KAZN: variants seen among roughly 807,000 people sequenced by gnomAD.
The protein encoded by KAZN is kazrin.
Under a neutral mutation model 87.4 loss-of-function variants are expected in KAZN, and 40 were observed. The observed-to-expected ratio is 0.46, with a 90% confidence interval of 0.36 to 0.60. The LOEUF (loss-of-function observed/expected upper bound fraction) is 0.60, where lower values mean the gene tolerates loss of function less well. Ranked by LOEUF, KAZN falls within the 20% of genes least tolerant of loss-of-function variation. The pLI, the probability that KAZN is intolerant of heterozygous loss-of-function variation, is 0.00. For missense variants in KAZN, 898 were observed against 1,073.9 expected (o/e 0.84, Z 2.29); for synonymous variants, 466 against 458.3 (o/e 1.02, Z -0.22).
intron 1 of KAZN, among the ~76,000 whole-genome samples, chr1:13,995,239 T>C (rs1639458680): frequency 8.2e-6 from 1 of 122,680 alleles, no homozygotes; most frequent in Non-Finnish European, 1.9e-5. Flanking sequence ...AAAAAAATCC[T>C]AATGATTGGG....
At chr1:14,754,548 G>A (rs148108623) in intron 1 of KAZN, among the ~76,000 whole-genome samples, 1,793 of 152,222 alleles carry the variant, frequency 0.012, 18 homozygotes, top group South Asian at 0.067. Context: ...CAAGAGGATC[G>A]CTTGAACTTG....
rs373603693 is a variant in KAZN, at chr1:14,735,063, T to TTTTTTTGTTTTG, written c.226+135844_226+135845insTTGTTTTGTTTT. ...GGATGCTAAATGGTCATGCTGGTTTTTTTTGTTTTGTTTTGAGACGGAGTC... is the reference window on the plus strand; with the variant it reads ...GGATGCTAAATGGTCATGCTGGTTTTTTTTTTGTTTTGTTTTGTTTTGTTTTGAGACGGAGTC... On this transcript the variant is annotated intron_variant, in intron 1 of 14. Coordinates refer to ENST00000376030, the MANE Select transcript of KAZN (RefSeq NM_201628.3). The surrounding 1 kb of genome is among the most constrained non-coding windows in gnomAD (Gnocchi z 4.3). Among the ~76,000 whole-genome samples, 1 of 152,142 alleles carries TTTTTTTGTTTTG rather than the reference T, an allele frequency of 6.6e-6. No individual in the cohort carries two copies. Among genetic ancestry groups the TTTTTTTGTTTTG allele is most frequent in the African/African-American group, 2.4e-5 (1 of 41,406 alleles).
chr1:15,053,083 T>C lies in KAZN; in HGVS notation c.727-3008T>C, dbSNP rs117129990. Among the ~76,000 whole-genome samples the C allele has an allele frequency of 4.3e-3, 654 of 152,336 alleles. 3 individuals are homozygous for C. The highest frequency in any genetic ancestry group is 0.042 in the South Asian group (205 of 4,828). On this transcript the variant is annotated intron_variant, in intron 4 of 14. Coordinates refer to ENST00000376030, the MANE Select transcript of KAZN (RefSeq NM_201628.3). ...GGAGGGGGAGCTGAGGGTTCATTCC[T>C]GCATGATGGCAGACCAGCCTGGGTG...
chr1:14,283,011 C>A (rs993801019), intron 2 of KAZN, among the ~76,000 whole-genome samples: 1 of 152,130 alleles, frequency 6.6e-6, no homozygotes, highest in African/African-American at 2.4e-5. Context: ...ATTTATTCTC[C>A]AGGGTGACTA....
intron 1 of KAZN, among the ~76,000 whole-genome samples, chr1:14,940,893 C>T (rs1660984343): frequency 8.0e-6 from 1 of 125,382 alleles, no homozygotes; most frequent in African/African-American, 3.1e-5. Context: ...TGTCATTCTA[C>T]CTTTCTTTTT....
In KAZN at chr1:14,087,217, A is replaced by G. The variant is rs183647043; in HGVS notation, c.92-93218A>G. Among the ~76,000 whole-genome samples the G allele has an allele frequency of 4.7e-4, 71 of 152,220 alleles. No individual in the cohort carries two copies. The East Asian group carries it at 0.013, about 27-fold the overall frequency. On this transcript the variant is annotated intron_variant, in intron 1 of 16. Transcript: ENST00000636203. The stretch of plus-strand genomic sequence containing the variant: ...GTCTTGCACTTAAAAAATTCTCACA[A>G]TTTTGATGCTATCATAAATGGCATT...
Position 15,034,899 on chromosome 1 carries a change from C to T in KAZN, c.555+14C>T. The T allele has an allele frequency of 6.2e-7, 1 of 1,612,766 alleles. No homozygotes were observed. Among genetic ancestry groups the T allele is most frequent in the African/African-American group, 1.3e-5 (1 of 74,950 alleles). ...CAGCACCGCAAGGTCAGCCGCCGCC[C>T]TGCCCTCCCCTCCCCTCCCGACACA... is the stretch of plus-strand genomic sequence containing the variant. On this transcript the variant is annotated intron_variant, in intron 3 of 14. Transcript: ENST00000376030.
At chr1:14,830,423 G>C (rs1647020203) in intron 1 of KAZN, among the ~76,000 whole-genome samples, 1 of 152,178 alleles carries the variant, frequency 6.6e-6, no homozygotes, top group African/African-American at 2.4e-5. Context: ...GCCTGAGTCA[G>C]GTGCCCAGCC....
chr1:14,003,654 G>A (rs1639911985), intron 1 of KAZN, among the ~76,000 whole-genome samples: 1 of 152,160 alleles, frequency 6.6e-6, no homozygotes, highest in South Asian at 2.1e-4. Context: ...AATAAATGCT[G>A]CCAAGTTAAC....
At chr1:14,779,157 C>T (rs528544609) in intron 1 of KAZN, among the ~76,000 whole-genome samples, 1 of 152,326 alleles carries the variant, frequency 6.6e-6, no homozygotes, top group East Asian at 1.9e-4. Context: ...GTCAGGAAAT[C>T]CCTCCACCTC....
chr1:14,652,503 C>CCACCCACCCACCCATT (rs1557865307), intron 1 of KAZN, among the ~76,000 whole-genome samples: 2 of 85,716 alleles, frequency 2.3e-5, no homozygotes, highest in Non-Finnish European at 2.3e-5. Flanking sequence ...ATCCACCTAT[C>CCACCCACCCACCCATT]TACCTATCCA....
At chr1:14,349,360 T>G (rs1378904280) in intron 2 of KAZN, 1 of 152,096 alleles carries the variant, frequency 6.6e-6, no homozygotes, top group Non-Finnish European at 1.5e-5. Flanking sequence ...CACGGGTGGT[T>G]TTTTTGAATT....
intron 1 of KAZN, among the ~76,000 whole-genome samples, chr1:14,740,637 C>A (rs930815718): frequency 2.6e-5 from 4 of 152,160 alleles, no homozygotes; most frequent in Non-Finnish European, 1.5e-5. Flanking sequence ...GCCCCACAGA[C>A]CTCTCCCGCT....
intron 2 of KAZN, among the ~76,000 whole-genome samples, chr1:14,515,435 G>T (rs1671249877): frequency 6.6e-6 from 1 of 152,214 alleles, no homozygotes; most frequent in Admixed American, 6.5e-5. Flanking sequence ...TGACATGGAA[G>T]CGGCTGTCAG....
Position 15,094,037 on chromosome 1 carries a change from C to T in KAZN, c.1223-143C>T, listed in dbSNP as rs890037108. On this transcript the variant is annotated intron_variant, in intron 8 of 14. Transcript: ENST00000376030. The surrounding 1 kb of genome is among the most constrained non-coding windows in gnomAD (Gnocchi z 4.5). ...GGGGGCAAGGGCAGAAAAACAAAAA[C>T]GCCAAAAGCCACTTTGATTTTGAAG... is the stretch of plus-strand genomic sequence containing the variant. The T allele has an allele frequency of 1.4e-5, 9 of 666,424 alleles. No homozygotes were observed. Among genetic ancestry groups the T allele is most frequent in the Admixed American group, 8.7e-5 (3 of 34,370 alleles). The allele number at this position is 666,424 out of a possible 1,614,324, so 41.3% of individuals were successfully genotyped here.
intron 1 of KAZN, among the ~76,000 whole-genome samples, chr1:14,009,042 A>G (rs906603609): frequency 6.6e-6 from 1 of 152,198 alleles, no homozygotes; most frequent in Non-Finnish European, 1.5e-5. Flanking sequence ...AGATTTTTGC[A>G]TACAAGTGGA....
intron 1 of KAZN, among the ~76,000 whole-genome samples, chr1:14,094,317 A>G (rs994131780): frequency 6.6e-6 from 1 of 152,200 alleles, no homozygotes; most frequent in Non-Finnish European, 1.5e-5. Flanking sequence ...TTGGAAAGCT[A>G]TATTAAGATT....
rs77124916 is a variant in KAZN, at chr1:14,015,877, C to A, written c.91+122121C>A. 4.0e-3 allele frequency among the ~76,000 whole-genome samples: 609 copies of A among 152,026 alleles called. 8 individuals carry two copies. The highest frequency in any genetic ancestry group is 0.014 in the African/African-American group (581 of 41,488). On this transcript the variant is annotated intron_variant, in intron 1 of 16. Coordinates refer to the KAZN transcript ENST00000636203. ...GAGCCTCAACAGCTGCTAAGAGGTG[C>A]AATGAAAACTCAACTTGAGGCTGTC...
chr1:14,785,175 T>C (rs1645472437), intron 1 of KAZN, among the ~76,000 whole-genome samples: 2 of 152,040 alleles, frequency 1.3e-5, no homozygotes, highest in South Asian at 4.2e-4. Context: ...TGGAGGAATA[T>C]AAGCGTGTCT....
Sources: allele counts gnomAD v4.1 joint callset (sites outside exome capture counted in the v4.1 genomes callset), GRCh38; gene constraint gnomAD v4.1.1; non-coding constraint Gnocchi (gnomAD v3.1); transcripts MANE v1.5; gene names NCBI Gene and HGNC (gene_info 2026-07-23, HGNC 2026-07-21).